SLC38A9: variants seen among roughly 807,000 people sequenced by gnomAD.
SLC38A9 encodes neutral amino acid transporter 9.
SLC38A9 carries 48 observed loss-of-function variants against 62.3 expected under a neutral mutation model. The observed-to-expected ratio is 0.77, with a 90% CI of 0.61 to 0.98. The LOEUF (loss-of-function observed/expected upper bound fraction) is 0.98, where lower values mean the gene tolerates loss of function less well. Among genes scored for constraint, SLC38A9 ranks in the 50% least tolerant of loss-of-function variants. SLC38A9 has a pLI of 0.00. For missense variants in SLC38A9, 541 were observed against 679.8 expected (o/e 0.80, Z 2.27); for synonymous variants, 204 against 227.7 (o/e 0.90, Z 0.94).
intron 3 of SLC38A9, among the ~76,000 whole-genome samples, chr5:55,685,181 T>C (rs1753602158): frequency 6.6e-6 from 1 of 152,224 alleles, no homozygotes; most frequent in East Asian, 1.9e-4. Context: ...AATCTCTCAA[T>C]TCACAGATTG....
intron 3 of SLC38A9, among the ~76,000 whole-genome samples, chr5:55,679,871 T>C (rs1382743877): frequency 1.3e-5 from 2 of 152,248 alleles, no homozygotes; most frequent in Non-Finnish European, 2.9e-5. Context: ...TCTCCTTTTA[T>C]CCACTTTATT....
chr5:55,667,889 T>C (rs1750731053), intron 7 of SLC38A9, among the ~76,000 whole-genome samples: 1 of 152,116 alleles, frequency 6.6e-6, no homozygotes. Flanking sequence ...TTTAATAACA[T>C]GGAAGTTAAC....
rs10065140 is a variant in SLC38A9 at position 55,647,941 on chromosome 5, C to T, written c.1060+1266G>A. ...TATTGCCAAATAATATCCCATTGTA[C>T]AGATATACCACATTTTGGCCGGGTG... On this transcript the variant is annotated intron_variant, in intron 11 of 15. Transcript: ENST00000396865. Among the ~76,000 whole-genome samples, 375 of 152,274 alleles carry T rather than the reference C, an allele frequency of 2.5e-3. 3 individuals carry two copies. Among genetic ancestry groups the T allele is most frequent in the African/African-American group, 8.8e-3 (365 of 41,566 alleles).
At chr5:55,630,384 C>T (rs571543932) in intron 14 of SLC38A9, among the ~76,000 whole-genome samples, 30 of 152,140 alleles carry the variant, frequency 2.0e-4, no homozygotes, top group African/African-American at 7.2e-4. Flanking sequence ...GTGGTGCCAT[C>T]TTGGCTCACT....
chr5:55,629,830 C>G (rs1288689646), intron 14 of SLC38A9, among the ~76,000 whole-genome samples: 1 of 152,318 alleles, frequency 6.6e-6, no homozygotes, highest in Non-Finnish European at 1.5e-5. Context: ...CTGAGCTTGA[C>G]AGTTTCCCAA....
intron 7 of SLC38A9, among the ~76,000 whole-genome samples, chr5:55,665,865 A>C (rs959486791): frequency 6.6e-6 from 1 of 152,168 alleles, no homozygotes; most frequent in Non-Finnish European, 1.5e-5. Flanking sequence ...CAGGAGGCTG[A>C]GGTGGGAGGA....
At chr5:55,636,377 A>G (rs1744403418) in intron 12 of SLC38A9, among the ~76,000 whole-genome samples, 1 of 152,220 alleles carries the variant, frequency 6.6e-6, no homozygotes, top group Admixed American at 6.5e-5. Context: ...AAAAGCTCCA[A>G]GATATTTAAT....
Position 55,664,863 on chromosome 5 carries a change from A to C in SLC38A9, c.527T>G (p.Phe176Cys). The change falls in exon 8 of 16, where the codon TTT becomes TGT. Residue 176 changes from phenylalanine (F) to cysteine (C), a missense_variant and splice_region_variant. Physicochemically the swap from Phe to Cys is radical, Grantham distance 205. Coordinates refer to ENST00000396865, the MANE Select transcript of SLC38A9 (RefSeq NM_173514.4). ...TTCCCAGCTAGTGGTATCCAACGAA[A>C]CTAGATAAAATAAGAGAAAGAATAA... ...YRVVKSRTMMFSLDTTSWEYP... is the reference protein window; with the variant it reads ...YRVVKSRTMMCSLDTTSWEYP... 1 of 1,519,938 alleles carries C rather than the reference A, an allele frequency of 6.6e-7. No individual in the cohort carries two copies. The highest frequency in any genetic ancestry group is 8.8e-7 in the Non-Finnish European group (1 of 1,131,100). 94.2% of individuals were successfully genotyped at this position (1,519,938 alleles called of 1,614,324 possible).
intron 3 of SLC38A9, chr5:55,693,125 T>A: frequency 2.2e-6 from 1 of 455,794 alleles, no homozygotes; most frequent in Non-Finnish European, 2.9e-6. Flanking sequence ...GGTTGCTGAT[T>A]AATTGTTGGG....
chr5:55,637,423 T>C (rs1744610312), intron 12 of SLC38A9, among the ~76,000 whole-genome samples: 1 of 152,248 alleles, frequency 6.6e-6, no homozygotes, highest in African/African-American at 2.4e-5. Context: ...CAGTCATTAA[T>C]TTTTATTATA....
intron 2 of SLC38A9, among the ~76,000 whole-genome samples, chr5:55,708,570 A>G (rs1757597444): frequency 1.3e-5 from 2 of 152,258 alleles, no homozygotes; most frequent in Admixed American, 6.5e-5. Flanking sequence ...GCAATAGAAT[A>G]CACTAGCTTG....
chr5:55,671,502 C>CTT (rs145470405), intron 4 of SLC38A9, among the ~76,000 whole-genome samples: 82,230 of 144,004 alleles, frequency 0.57, 24,614 homozygotes, highest in South Asian at 0.68. Flanking sequence ...GTTTCCCATT[C>CTT]TTCTTTTTTT....
chr5:55,676,703 T>G (rs1752147264), intron 3 of SLC38A9, among the ~76,000 whole-genome samples: 1 of 152,204 alleles, frequency 6.6e-6, no homozygotes, highest in African/African-American at 2.4e-5. Flanking sequence ...ATTTGAAGAC[T>G]TTTTCTACGA....
chr5:55,664,351 T>G (rs1243881709), intron 8 of SLC38A9, among the ~76,000 whole-genome samples: 2 of 152,114 alleles, frequency 1.3e-5, no homozygotes, highest in Non-Finnish European at 2.9e-5. Flanking sequence ...TCCTAACATG[T>G]TGAAAATAAG....
intron 12 of SLC38A9, among the ~76,000 whole-genome samples, chr5:55,638,255 CT>C (rs1327855124): frequency 6.6e-6 from 1 of 152,110 alleles, no homozygotes; most frequent in Admixed American, 6.6e-5. Context: ...GTGGGCTTTG[CT>C]ATTCTCTGGC....
At chr5:55,646,843 TG>T (rs1412851634) in intron 11 of SLC38A9, among the ~76,000 whole-genome samples, 1 of 152,190 alleles carries the variant, frequency 6.6e-6, no homozygotes, top group Non-Finnish European at 1.5e-5. Flanking sequence ...CCCAACTTTC[TG>T]GGCTCAAGTG....
intron 14 of SLC38A9, among the ~76,000 whole-genome samples, chr5:55,631,829 A>G (rs1398324597): frequency 6.6e-6 from 1 of 152,210 alleles, no homozygotes; most frequent in East Asian, 1.9e-4. Flanking sequence ...GCCTAATAAA[A>G]GTGGACTAGG....
intron 12 of SLC38A9, among the ~76,000 whole-genome samples, chr5:55,642,307 A>C (rs776986805): frequency 6.6e-6 from 1 of 152,206 alleles, no homozygotes; most frequent in Non-Finnish European, 1.5e-5. Flanking sequence ...AGCTTCCCAA[A>C]GTGTTGGGAT....
intron 14 of SLC38A9, among the ~76,000 whole-genome samples, chr5:55,632,472 C>A (rs1743655368): frequency 6.6e-6 from 1 of 151,250 alleles, no homozygotes; most frequent in Non-Finnish European, 1.5e-5. Context: ...ACAACAAAAA[C>A]TGCATAAATG....
Sources: allele counts gnomAD v4.1 joint callset (sites outside exome capture counted in the v4.1 genomes callset), GRCh38; gene constraint gnomAD v4.1.1; transcripts MANE v1.5; gene names NCBI Gene and HGNC (gene_info 2026-07-23, HGNC 2026-07-21).